The following TP63 variants were observed in gnomAD, a reference collection of about 807,000 sequenced individuals.
The protein encoded by TP63 is tumor protein 63.
In TP63, 17 loss-of-function variants were observed where a neutral mutation model predicts 82.8. That is an observed-to-expected ratio of 0.21 (90% CI 0.14 to 0.31). The LOEUF (loss-of-function observed/expected upper bound fraction) is 0.31. Ranked by LOEUF, TP63 falls within the 10% of genes least tolerant of loss-of-function variation. The pLI, the probability that TP63 is intolerant of heterozygous loss-of-function variation, is 1.00. For missense variants in TP63, 648 were observed against 895.3 expected, an observed-to-expected ratio of 0.72 and a Z score of 3.52; for synonymous variants, 330 against 321.7, an observed-to-expected ratio of 1.03 and a Z score of -0.28.
intron 1 of TP63, among the ~76,000 whole-genome samples, chr3:189,683,499 C>T (rs1716155000): frequency 6.6e-6 from 1 of 152,160 alleles, no homozygotes; most frequent in South Asian, 2.1e-4. Context: ...CTTTCTTTGA[C>T]AACTCAGTTG....
At chr3:189,727,836 C>A (rs1719878738) in intron 1 of TP63, among the ~76,000 whole-genome samples, 1 of 152,086 alleles carries the variant, frequency 6.6e-6, no homozygotes, top group Non-Finnish European at 1.5e-5. Flanking sequence ...TCAAAAAGTA[C>A]CCTGTTTGTA....
chr3:189,768,981 A>T (rs1012636795), intron 3 of TP63, among the ~76,000 whole-genome samples: 9 of 152,206 alleles, frequency 5.9e-5, no homozygotes, highest in Non-Finnish European at 1.0e-4. Context: ...TTTGAAGCTC[A>T]CGTCTAAAAC....
intron 3 of TP63, among the ~76,000 whole-genome samples, chr3:189,791,119 CT>C (rs1236211065): frequency 3.3e-5 from 5 of 152,092 alleles, no homozygotes; most frequent in African/African-American, 1.2e-4. Flanking sequence ...ATAGGATTAG[CT>C]TTTAAGATCT....
Position 189,799,233 on chromosome 3 carries a change from C to T in TP63, c.325-9039C>T, listed in dbSNP as rs559455870. 2.6e-5 allele frequency among the ~76,000 whole-genome samples: 4 copies of T among 152,166 alleles called. No homozygotes were observed. The South Asian group carries it at 8.3e-4, about 32-fold the overall frequency. ...CTATAATCTCAGTTCCTTAAACATA[C>T]AATCACAAACTGTTAATTATGGCTT... On this transcript the variant is annotated intron_variant, in intron 3 of 13. Coordinates refer to ENST00000264731, the MANE Select transcript of TP63 (RefSeq NM_003722.5).
intron 4 of TP63, among the ~76,000 whole-genome samples, chr3:189,815,123 A>G (rs541064236): frequency 4.0e-4 from 59 of 148,334 alleles, no homozygotes; most frequent in Non-Finnish European, 7.8e-4. Flanking sequence ...TCCTTCATTT[A>G]TGTTATTATT....
At chr3:189,656,999 G>T in intron 1 of TP63, among the ~76,000 whole-genome samples, 1 of 131,826 alleles carries the variant, frequency 7.6e-6, no homozygotes, top group South Asian at 2.6e-4. Context: ...GCAAAAAAAA[G>T]AAAAAATATT....
chr3:189,708,988 T>C (rs1718400232), intron 1 of TP63, among the ~76,000 whole-genome samples: 1 of 152,178 alleles, frequency 6.6e-6, no homozygotes, highest in Non-Finnish European at 1.5e-5. Context: ...CTTACATACC[T>C]AGAATATATT....
intron 1 of TP63, 127 bp downstream of exon 1, chr3:189,631,704 C>A (rs986935161): frequency 3.2e-6 from 5 of 1,583,992 alleles, no homozygotes; most frequent in Non-Finnish European, 4.3e-6. Flanking sequence ...TTATTTTGGA[C>A]TTTCTGTGGA....
chr3:189,731,533 A>G (rs1008276290), intron 1 of TP63, among the ~76,000 whole-genome samples: 3 of 152,126 alleles, frequency 2.0e-5, no homozygotes, highest in African/African-American at 7.2e-5. Flanking sequence ...CTGAAATTTT[A>G]GAGATGTGGA....
intron 4 of TP63, among the ~76,000 whole-genome samples, chr3:189,834,025 C>T (rs1210821205): frequency 2.0e-5 from 3 of 152,040 alleles, no homozygotes; most frequent in Non-Finnish European, 4.4e-5. Context: ...TGTATGTGAG[C>T]GTATGTGCAT....
chr3:189,757,180 C>A (rs1191802592), intron 3 of TP63, among the ~76,000 whole-genome samples: 1 of 152,168 alleles, frequency 6.6e-6, no homozygotes, highest in Non-Finnish European at 1.5e-5. Context: ...GATCCAAGTT[C>A]ATCAGTGGTG....
At chr3:189,749,012 C>G (rs1453876883) in intron 3 of TP63, among the ~76,000 whole-genome samples, 4 of 152,040 alleles carry the variant, frequency 2.6e-5, no homozygotes, top group Admixed American at 2.0e-4. Flanking sequence ...CCCCAACTCT[C>G]ATCACATACA....
At chr3:189,865,956 T>G (rs907200483) in intron 5 of TP63, among the ~76,000 whole-genome samples, 7 of 152,236 alleles carry the variant, frequency 4.6e-5, no homozygotes, top group African/African-American at 1.7e-4. Context: ...CACTTTTTAC[T>G]TTTATTGAAT....
chr3:189,642,268 C>G lies in TP63; in HGVS notation c.62+10691C>G, dbSNP rs147997220. On this transcript the variant is annotated intron_variant, in intron 1 of 13. Coordinates refer to ENST00000264731, the MANE Select transcript of TP63 (RefSeq NM_003722.5). ...AACCACAATTACTAATTTTAAAAGA[C>G]CTCAACGTTTGATTTTGTATTTTTA... Among the ~76,000 whole-genome samples the G allele has an allele frequency of 1.6e-3, 247 of 152,230 alleles. 1 individual carries two copies. The highest frequency in any genetic ancestry group is 6.8e-3 in the Middle Eastern group (2 of 294).
Position 189,858,218 on chromosome 3 carries a change from ACACGG to A in TP63, c.580-6013_580-6009del, listed in dbSNP as rs1334992933. Among the ~76,000 whole-genome samples, 108 of 24,212 alleles carry A rather than the reference ACACGG, an allele frequency of 4.5e-3. 41 individuals are homozygous for A. Among genetic ancestry groups the A allele is most frequent in the African/African-American group, 0.011 (42 of 3,982 alleles). The allele number at this position is 24,212 out of a possible 152,430, so 15.9% of individuals were successfully genotyped here. On this transcript the variant is annotated intron_variant, in intron 4 of 13. Coordinates refer to ENST00000264731, the MANE Select transcript of TP63 (RefSeq NM_003722.5). ...CAGGAGATCGAGACCATCCTGGCTAACACGGTGAAACCCCGTCTCTACTAAAAATA... is the reference window on the plus strand; with the variant it reads ...CAGGAGATCGAGACCATCCTGGCTAATGAAACCCCGTCTCTACTAAAAATA...
intron 4 of TP63, among the ~76,000 whole-genome samples, chr3:189,823,868 C>G (rs1178966680): frequency 6.6e-6 from 1 of 152,136 alleles, no homozygotes; most frequent in African/African-American, 2.4e-5. Flanking sequence ...AGCAGGTATA[C>G]CTTTCAGCTT....
At chr3:189,721,531 CACA>C (rs1223371469) in intron 1 of TP63, among the ~76,000 whole-genome samples, 2 of 151,524 alleles carry the variant, frequency 1.3e-5, no homozygotes, top group Admixed American at 6.6e-5. Flanking sequence ...GGTGGCAAGA[CACA>C]ACAAGAATCC....
intron 10 of TP63, chr3:189,880,732 G>T (rs1490647905): frequency 2.0e-6 from 2 of 985,332 alleles, no homozygotes; most frequent in Non-Finnish European, 2.4e-6. Context: ...CAAGTGTACT[G>T]CTGGGCAGCG....
chr3:189,662,599 C>T (rs1714023572), intron 1 of TP63, among the ~76,000 whole-genome samples: 1 of 151,846 alleles, frequency 6.6e-6, no homozygotes, highest in Non-Finnish European at 1.5e-5. Context: ...TGTTTATGTT[C>T]TTCATAATAT....
Sources: gnomAD v4.1 joint callset for allele counts (sites outside exome capture counted in the v4.1 genomes callset) on GRCh38, gnomAD v4.1.1 for gene constraint, MANE v1.5 for transcripts, NCBI Gene and HGNC (gene_info 2026-07-23, HGNC 2026-07-21) for gene names.